Variants in WDR83 observed in about 807,000 individuals in gnomAD.
WDR83 encodes WD repeat domain 83.
In WDR83, 37 loss-of-function variants were observed where a neutral mutation model predicts 37.7. The ratio of observed to expected loss-of-function variants is 0.98; its 90% CI spans 0.76 to 1.29. The LOEUF (loss-of-function observed/expected upper bound fraction) is 1.29, where lower values mean the gene tolerates loss of function less well. Among genes scored for constraint, WDR83 ranks in the 50% most tolerant of loss-of-function variants. WDR83 has a pLI of 0.00. For synonymous variants in WDR83, 174 were observed against 181.1 expected, an observed-to-expected ratio of 0.96 and a Z score of 0.31; for missense variants, 445 against 414.4, an observed-to-expected ratio of 1.07 and a Z score of -0.64.
intron 2 of WDR83, chr19:12,669,076 C>T (rs1306765973): frequency 3.9e-5 from 62 of 1,580,006 alleles, no homozygotes; most frequent in Non-Finnish European, 3.9e-5. Flanking sequence ...AACCCGCCCC[C>T]GGGCCTCGTT....
intron 8 of WDR83, 26 bp from the exon 9 acceptor site, chr19:12,672,982 A>C: frequency 6.2e-7 from 1 of 1,603,854 alleles, no homozygotes; most frequent in Non-Finnish European, 8.5e-7. Flanking sequence ...CCCCACCCTC[A>C]CTCACCTACC....
At chr19:12,668,711 T>G in intron 2 of WDR83, 84 bp downstream of exon 2, 2 of 1,052,726 alleles carry the variant, frequency 1.9e-6, no homozygotes, top group Admixed American at 3.9e-5. Flanking sequence ...GCCCACTGAT[T>G]CCATCTGATG....
intron 5 of WDR83, 24 bp downstream of exon 5, chr19:12,670,309 C>T: frequency 6.2e-7 from 1 of 1,609,622 alleles, no homozygotes; most frequent in Non-Finnish European, 8.5e-7. Context: ...TGGAGACCCT[C>T]ATTTGAGTGG....
At chr19:12,673,410 CTTTTTTT>C (rs58676851) in intron 10 of WDR83, 94 bp downstream of exon 10, 123 of 247,854 alleles carry the variant, frequency 5.0e-4, no homozygotes, top group African/African-American at 1.7e-3. Context: ...AGGCTAGGAT[CTTTTTTT>C]TTTTTTTTTT....
In WDR83 at chr19:12,670,708, C is replaced by T; in HGVS notation, c.393C>T (p.Ser131=). 1.2e-6 allele frequency: 2 copies of T among 1,614,202 alleles called. No individual in the cohort carries two copies. The highest frequency in any genetic ancestry group is 2.2e-5 in the South Asian group (2 of 91,082). Residue 131 remains serine, a synonymous_variant, in exon 7 of 11, where the codon TCC becomes TCT. Coordinates refer to ENST00000418543, the MANE Select transcript of WDR83 (RefSeq NM_001099737.3). ...CTGGCCTCACAGGCTCTATTGATTC[C>T]AGTATCCGCTGTTGGGATTGCCGCT... ...ATVILSGSID[S]SIRCWDCRSR... is the part of the protein sequence containing the mutation.
At chr19:12,668,370 G>T in intron 1 of WDR83, 138 bp from the exon 2 acceptor site, 1 of 1,612,874 alleles carries the variant, frequency 6.2e-7, no homozygotes, top group Non-Finnish European at 8.5e-7. Context: ...CACCATGGGG[G>T]CGTCATGGGC....
At position 12,675,744 on chromosome 19, in the gene WDR83, C is replaced by A; in HGVS notation, c.*72C>A. On this transcript the variant is annotated 3_prime_UTR_variant, in exon 11 of 11. Coordinates refer to ENST00000418543, the MANE Select transcript of WDR83 (RefSeq NM_001099737.3). ...GAAGGACTTCAGATACCATCTTATT[C>A]TAGAGACGTAGCTGACCAAAAAGTA... 6.3e-7 allele frequency: 1 copy of A among 1,576,970 alleles called. No homozygotes were observed. The highest frequency in any genetic ancestry group is 8.6e-7 in the Non-Finnish European group (1 of 1,162,142).
intron 2 of WDR83, chr19:12,668,983 G>C (rs369956598): frequency 1.2e-6 from 1 of 816,832 alleles, no homozygotes; most frequent in Non-Finnish European, 2.0e-6. Context: ...GGGCTTTCTC[G>C]GCCCAGCGTC....
intron 10 of WDR83, 22 bp from the exon 11 acceptor site, chr19:12,675,501 C>A: frequency 6.2e-7 from 1 of 1,600,150 alleles, no homozygotes. Flanking sequence ...CAGATAACCA[C>A]TCCCTACCCC....
chr19:12,671,077 C>T (rs2024401952), intron 7 of WDR83: 1 of 420,512 alleles, frequency 2.4e-6, no homozygotes, highest in Non-Finnish European at 4.2e-6. Flanking sequence ...CCTGTAATCC[C>T]AGCACTTTGG....
intron 10 of WDR83, among the ~76,000 whole-genome samples, chr19:12,674,485 T>G (rs1189049445): frequency 1.3e-5 from 2 of 152,134 alleles, no homozygotes; most frequent in African/African-American, 4.8e-5. Context: ...AGCTCTTGCT[T>G]TAGGAACTAA....
rs922662217 is a variant in WDR83, at chr19:12,669,597, G to A, written c.-36-158G>A. 14 of 929,016 alleles carry A rather than the reference G, an allele frequency of 1.5e-5. No individual in the cohort carries two copies. The African/African-American group carries it at 2.0e-4, about 13-fold the overall frequency. The allele number at this position is 929,016 out of a possible 1,614,324, so 57.5% of individuals were successfully genotyped here. ...AAGTCTTCCTTTCAAAGGGAAAATG[G>A]GGAAAAGAACCTGAAAGCGGGCTTC... On this transcript the variant is annotated intron_variant, in intron 2 of 10. Transcript: ENST00000418543.
rs762512697 is a variant in WDR83, at chr19:12,668,637, T to G, written c.-37+10T>G. ...CTTCAGCTAGGGAAAGGTAAGTGGG[T>G]GGGCAGGTTAGTGAAAGGCACAACA... On this transcript the variant is annotated intron_variant, in intron 2 of 10. Coordinates refer to ENST00000418543, the MANE Select transcript of WDR83 (RefSeq NM_001099737.3). 1.2e-6 allele frequency: 2 copies of G among 1,608,956 alleles called. No individual in the cohort carries two copies. The highest frequency in any genetic ancestry group is 1.7e-6 in the Non-Finnish European group (2 of 1,176,066).
chr19:12,673,410 CTTTTTTTTTTT>C (rs58676851), intron 10 of WDR83, 94 bp downstream of exon 10: 22 of 248,018 alleles, frequency 8.9e-5, no homozygotes, highest in East Asian at 4.4e-4. Flanking sequence ...AGGCTAGGAT[CTTTTTTTTTTT>C]TTTTTTTTTT....
chr19:12,675,446 T>TG (rs1209337065), intron 10 of WDR83, 77 bp from the exon 11 acceptor site: 7 of 1,552,084 alleles, frequency 4.5e-6, no homozygotes, highest in Non-Finnish European at 6.1e-6. Flanking sequence ...AGGACTGAGA[T>TG]GGGGGGTGCC....
intron 2 of WDR83, chr19:12,669,542 C>T (rs2024348967): frequency 9.1e-7 from 1 of 1,101,634 alleles, no homozygotes; most frequent in African/African-American, 1.6e-5. Flanking sequence ...ACTCCCCTTA[C>T]CCAGAGAACG....
chr19:12,670,454 C>G, intron 5 of WDR83, 109 bp from the exon 6 acceptor site: 1 of 1,566,626 alleles, frequency 6.4e-7, no homozygotes. Flanking sequence ...GCTGTTCCCC[C>G]AAAACCTTTC....
intron 1 of WDR83, among the ~76,000 whole-genome samples, chr19:12,667,283 G>A (rs992138677): frequency 1.3e-5 from 2 of 152,310 alleles, no homozygotes; most frequent in South Asian, 4.1e-4. Flanking sequence ...AGTCTTTCAT[G>A]CCTTTCCCAA....
rs562420612 is a variant in WDR83, at chr19:12,675,613, G to A, written c.889G>A (p.Gly297Arg). 14 of 1,604,100 alleles carry A rather than the reference G, an allele frequency of 8.7e-6. No individual in the cohort carries two copies. The highest frequency in any genetic ancestry group is 7.7e-5 in the South Asian group (7 of 91,058). ...PTEPCLLTAM[G>R]GSVQCWREEA... ...AGAGCCCTGCCTGCTGACCGCCATGGGAGGCAGCGTCCAGTGCTGGCGAGA... is the reference window on the plus strand; with the variant it reads ...AGAGCCCTGCCTGCTGACCGCCATGAGAGGCAGCGTCCAGTGCTGGCGAGA... The change falls in exon 11 of 11, where the codon GGA becomes AGA. Residue 297 changes from glycine (G) to arginine (R), a missense_variant. Gly to Arg is a moderately radical substitution (Grantham distance 125, BLOSUM62 -2). Transcript: ENST00000418543.
Sources: gnomAD v4.1 joint callset for allele counts (sites outside exome capture counted in the v4.1 genomes callset) on GRCh38, gnomAD v4.1.1 for gene constraint, MANE v1.5 for transcripts, NCBI Gene and HGNC (gene_info 2026-07-23, HGNC 2026-07-21) for gene names.